Variants in SNURF observed in about 807,000 individuals in gnomAD.
SNURF encodes the protein SNRPN upstream open reading frame.
Under a neutral mutation model 11.6 loss-of-function variants are expected in SNURF, and 6 were observed. That is an observed-to-expected ratio of 0.52 (90% CI 0.28 to 1.02). The LOEUF is 1.02. Among genes scored for constraint, SNURF ranks in the 50% least tolerant of loss-of-function variants. The pLI is 0.09. For missense variants in SNURF, 84 were observed against 88.4 expected (o/e 0.95, Z 0.20); for synonymous variants, 29 against 31.6 (o/e 0.92, Z 0.27).
rs868743170 is a variant in SNURF, at chr15:24,975,906, T to C, written c.*197+397T>C. On this transcript the variant is annotated intron_variant and NMD_transcript_variant, in intron 4 of 6. Transcript: ENST00000580062. ...GATATGGTTGCCATTTGGTATCCTC[T>C]CTTTGCCTATCACTGTTCCCATTAT... Among the ~76,000 whole-genome samples the C allele has an allele frequency of 3.9e-5, 6 of 152,298 alleles. 1 individual carries two copies. The Middle Eastern group carries it at 0.014, about 345-fold the overall frequency.
chr15:24,956,683 C>T (rs778894678), intron 1 of SNURF, among the ~76,000 whole-genome samples: 2 of 152,158 alleles, frequency 1.3e-5, no homozygotes, highest in Non-Finnish European at 2.9e-5. Context: ...TGTTCCTTTC[C>T]GGTTGTGGCG....
chr15:24,959,914 T>A (rs2074492606), intron 1 of SNURF, among the ~76,000 whole-genome samples: 1 of 152,222 alleles, frequency 6.6e-6, no homozygotes, highest in African/African-American at 2.4e-5. Flanking sequence ...CTTGAAATTT[T>A]GTCTTTTTGG....
intron 3 of SNURF, chr15:24,975,323 C>T (rs372803937): frequency 1.9e-6 from 3 of 1,586,906 alleles, no homozygotes; most frequent in African/African-American, 2.7e-5. Context: ...AGGGTGTTGG[C>T]AAGCTGAACA....
intron 5 of SNURF, chr15:24,976,456 G>T (rs765967734): frequency 7.6e-7 from 1 of 1,311,968 alleles, no homozygotes; most frequent in Non-Finnish European, 1.1e-6. Context: ...TTAATTTGCA[G>T]GGACATCATA....
At chr15:24,974,760 T>C (rs2076870448) in intron 3 of SNURF, 3 of 613,468 alleles carry the variant, frequency 4.9e-6, no homozygotes, top group Non-Finnish European at 8.7e-6. Flanking sequence ...GGTTTCACTG[T>C]GTTGGCCAGG....
chr15:24,964,442 G>C (rs889384937), intron 2 of SNURF, among the ~76,000 whole-genome samples: 4 of 152,208 alleles, frequency 2.6e-5, no homozygotes, highest in Middle Eastern at 3.4e-3. Flanking sequence ...ATAGGTGTGT[G>C]CCACCATGCC....
At chr15:24,957,438 T>C (rs372340665) in intron 1 of SNURF, among the ~76,000 whole-genome samples, 4 of 152,338 alleles carry the variant, frequency 2.6e-5, no homozygotes, top group African/African-American at 7.2e-5. Flanking sequence ...AAGTTGGAGC[T>C]ACTACAAAAA....
intron 4 of SNURF, chr15:24,975,588 C>G: frequency 8.2e-7 from 1 of 1,216,024 alleles, no homozygotes; most frequent in Non-Finnish European, 1.2e-6. Context: ...AAGGGATTTC[C>G]GAGGGTAACT....
downstream of SNURF, among the ~76,000 whole-genome samples, chr15:24,973,501 G>A (rs1355608587): frequency 1.3e-5 from 2 of 152,066 alleles, no homozygotes; most frequent in Non-Finnish European, 2.9e-5. Context: ...AGGTTCAAGC[G>A]ATTCTCCTAC....
intron 2 of SNURF, among the ~76,000 whole-genome samples, chr15:24,965,593 CA>C (rs1395981087): frequency 6.6e-6 from 1 of 152,154 alleles, no homozygotes; most frequent in Admixed American, 6.6e-5. Flanking sequence ...TTCTGTCTTT[CA>C]GTGTATTTGT....
intron 4 of SNURF, chr15:24,975,639 T>C (rs2076971692): frequency 1.4e-6 from 1 of 732,416 alleles, no homozygotes; most frequent in Non-Finnish European, 2.3e-6. Flanking sequence ...GTCTATTGTT[T>C]AACCTCTTGA....
chr15:24,966,906 G>A (rs2075721476), intron 2 of SNURF: 1 of 152,102 alleles, frequency 6.6e-6, no homozygotes, highest in Non-Finnish European at 1.5e-5. Flanking sequence ...AGATTTCACA[G>A]CCAGGTTACT....
chr15:24,973,453 A>G (rs2076690447), downstream of SNURF, among the ~76,000 whole-genome samples: 1 of 152,070 alleles, frequency 6.6e-6, no homozygotes. Flanking sequence ...GCTGGAGTGC[A>G]GTGGCGCGAT....
intron 1 of SNURF, among the ~76,000 whole-genome samples, chr15:24,959,583 A>T (rs2074432376): frequency 6.6e-6 from 1 of 152,178 alleles, no homozygotes; most frequent in Non-Finnish European, 1.5e-5. Flanking sequence ...TTTTGGTAAG[A>T]CAGTGTTTGC....
chr15:24,959,965 A>G (rs1427232540), intron 1 of SNURF, among the ~76,000 whole-genome samples: 1 of 152,168 alleles, frequency 6.6e-6, no homozygotes. Context: ...TGCAGGTATA[A>G]TAGAAAGAAC....
downstream of SNURF, chr15:24,977,906 C>G (rs781177011): frequency 2.6e-6 from 4 of 1,564,906 alleles, no homozygotes; most frequent in South Asian, 2.4e-5. Flanking sequence ...GCAGAGCAAC[C>G]CCACCTCCAG....
At chr15:24,971,379 G>T (rs981515298), downstream of SNURF, among the ~76,000 whole-genome samples, 1 of 152,090 alleles carries the variant, frequency 6.6e-6, no homozygotes, top group Non-Finnish European at 1.5e-5. Context: ...CACTTACAAG[G>T]TCATGACTAC....
intron 1 of SNURF, among the ~76,000 whole-genome samples, chr15:24,959,915 G>T (rs1424245863): frequency 6.6e-6 from 1 of 152,140 alleles, no homozygotes; most frequent in African/African-American, 2.4e-5. Flanking sequence ...TTGAAATTTT[G>T]TCTTTTTGGA....
At chr15:24,955,614 T>TTCG (rs1223317633) in intron 1 of SNURF, among the ~76,000 whole-genome samples, 2 of 136,504 alleles carry the variant, frequency 1.5e-5, no homozygotes, top group Non-Finnish European at 3.1e-5. Flanking sequence ...GGGGGGGGAA[T>TTCG]TCGTCGCAGT....
Sources: gnomAD v4.1 joint callset for allele counts (sites outside exome capture counted in the v4.1 genomes callset) on GRCh38, gnomAD v4.1.1 for gene constraint, MANE v1.5 for transcripts, NCBI Gene and HGNC (gene_info 2026-07-23, HGNC 2026-07-21) for gene names.